The following MTUS2 variants were observed in gnomAD, a reference collection of about 807,000 sequenced individuals.
MTUS2 encodes the protein microtubule-associated tumor suppressor candidate 2.
MTUS2 carries 40 observed loss-of-function variants against 114.1 expected under a neutral mutation model. The observed-to-expected ratio is 0.35, with a 90% CI of 0.27 to 0.46. The LOEUF is 0.46. Ranked by LOEUF, MTUS2 falls within the 20% of genes least tolerant of loss-of-function variation. The probability of loss-of-function intolerance (pLI) is 1.00; values close to 1 mark genes in which losing one functional copy is unlikely to be tolerated. For synonymous variants in MTUS2, 688 were observed against 672.0 expected (o/e 1.02, Z -0.37); for missense variants, 1,679 against 1,705.4 (o/e 0.98, Z 0.27).
chr13:28,897,280 CA>C (rs1190314322), intron 2 of MTUS2, among the ~76,000 whole-genome samples: 4 of 151,980 alleles, frequency 2.6e-5, no homozygotes, highest in Admixed American at 6.6e-5. Context: ...TTTATGCAGC[CA>C]AAAAACACAT....
At chr13:29,352,997 A>T (rs961693572) in intron 7 of MTUS2, among the ~76,000 whole-genome samples, 2 of 152,206 alleles carry the variant, frequency 1.3e-5, no homozygotes, top group Admixed American at 6.5e-5. Context: ...CATTTACAAT[A>T]ACTGTTTAAC....
intron 2 of MTUS2, among the ~76,000 whole-genome samples, chr13:28,948,869 G>A (rs1015275174): frequency 6.6e-6 from 1 of 152,126 alleles, no homozygotes. Flanking sequence ...TCTCAAGTAC[G>A]GGTTGGTGGT....
At chr13:29,045,706 T>G (rs148477680) in intron 4 of MTUS2, among the ~76,000 whole-genome samples, 2,330 of 152,298 alleles carry the variant, frequency 0.015, 62 homozygotes, top group African/African-American at 0.051. Flanking sequence ...TGATGATGCT[T>G]CTTTTTTCAG....
chr13:28,905,403 G>C (rs1264721381), intron 2 of MTUS2, among the ~76,000 whole-genome samples: 1 of 148,100 alleles, frequency 6.8e-6, no homozygotes, highest in East Asian at 2.0e-4. Flanking sequence ...GTCATAGATA[G>C]CTCTTATTAT....
chr13:29,110,787 T>C (rs1445300098), intron 5 of MTUS2, among the ~76,000 whole-genome samples: 1 of 152,232 alleles, frequency 6.6e-6, no homozygotes, highest in Non-Finnish European at 1.5e-5. Context: ...TTAGAAATCA[T>C]ATTGTTTCTC....
chr13:29,024,464 G>A lies in MTUS2; in HGVS notation c.-235G>A, dbSNP rs76530616. On this transcript the variant is annotated 5_prime_UTR_variant, in exon 3 of 16. An upstream start codon of the reference 5' UTR is lost. Transcript: ENST00000612955. ...ATTTTTATTTCTCTCTAGGTCTCAT[G>A]GACTGATTGGCTCTCATTCAGCAGG... 9.3e-6 allele frequency: 5 copies of A among 538,818 alleles called. No homozygotes were observed. Among genetic ancestry groups the A allele is most frequent in the Non-Finnish European group, 1.6e-5 (5 of 308,658 alleles). The allele number at this position is 538,818 out of a possible 1,614,324, so 33.4% of individuals were successfully genotyped here.
intron 2 of MTUS2, among the ~76,000 whole-genome samples, chr13:28,899,209 A>G (rs1342916838): frequency 2.0e-5 from 3 of 152,234 alleles, no homozygotes; most frequent in South Asian, 2.1e-4. Context: ...AAATATCACA[A>G]TGTTAAATCA....
chr13:29,035,948 C>T (rs1360535566), intron 4 of MTUS2, among the ~76,000 whole-genome samples: 1 of 151,738 alleles, frequency 6.6e-6, no homozygotes, highest in African/African-American at 2.4e-5. Context: ...AGTTTGAGAC[C>T]AGCCTGGCAA....
intron 8 of MTUS2, among the ~76,000 whole-genome samples, chr13:29,432,781 C>A (rs550130585): frequency 6.6e-6 from 1 of 152,302 alleles, no homozygotes; most frequent in South Asian, 2.1e-4. Flanking sequence ...ATGGTCCTGT[C>A]CCTTTAGGGG....
chr13:29,127,135 C>T (rs932776142), intron 5 of MTUS2, among the ~76,000 whole-genome samples: 4 of 152,164 alleles, frequency 2.6e-5, no homozygotes, highest in African/African-American at 9.7e-5. Context: ...GTTCTTCAGC[C>T]TTAAAACCTT....
rs1883141988 is a variant in MTUS2 at position 29,505,030 on chromosome 13, C to T, written c.*1824C>T. The T allele has an allele frequency of 1.6e-4, 38 of 232,732 alleles. 1 individual carries two copies. In the East Asian group the frequency reaches 2.2e-3, roughly 14 times the overall value. The allele number at this position is 232,732 out of a possible 1,614,324, so 14.4% of individuals were successfully genotyped here. ...CCAGCCAACCTCCAAGGGTCTTGCT[C>T]CTTCTGGGGACGTACACAGTAAATC... is the stretch of plus-strand genomic sequence containing the variant. On this transcript the variant is annotated 3_prime_UTR_variant, in exon 16 of 16. Coordinates refer to ENST00000612955, the MANE Select transcript of MTUS2 (RefSeq NM_001033602.4).
chr13:29,330,866 C>T (rs754687418), intron 7 of MTUS2, among the ~76,000 whole-genome samples: 3 of 152,086 alleles, frequency 2.0e-5, no homozygotes, highest in Non-Finnish European at 2.9e-5. Flanking sequence ...AGTCAGGTAG[C>T]GTGATGCCTC....
intron 2 of MTUS2, among the ~76,000 whole-genome samples, chr13:28,987,756 CAT>C (rs145592389): frequency 0.049 from 7,475 of 152,306 alleles, 227 homozygotes; most frequent in South Asian, 0.071. Flanking sequence ...TTTAAAATAA[CAT>C]GTGTTTCCAT....
At chr13:29,364,061 G>A (rs1870499370) in intron 8 of MTUS2, among the ~76,000 whole-genome samples, 1 of 152,126 alleles carries the variant, frequency 6.6e-6, no homozygotes, top group South Asian at 2.1e-4. Context: ...ACTATATTAT[G>A]ATGCTACTTC....
chr13:28,918,415 T>C (rs549272622), intron 2 of MTUS2, among the ~76,000 whole-genome samples: 14 of 152,210 alleles, frequency 9.2e-5, no homozygotes, highest in Non-Finnish European at 1.2e-4. Flanking sequence ...CTTATCATTA[T>C]ATAATGACCT....
intron 5 of MTUS2, among the ~76,000 whole-genome samples, chr13:29,178,486 T>C (rs1430114823): frequency 6.6e-6 from 1 of 152,142 alleles, no homozygotes; most frequent in East Asian, 1.9e-4. Flanking sequence ...TACTGGAGTT[T>C]TGGGCAAGAT....
intron 5 of MTUS2, among the ~76,000 whole-genome samples, chr13:29,174,798 T>C (rs911149632): frequency 6.6e-6 from 1 of 152,156 alleles, no homozygotes; most frequent in African/African-American, 2.4e-5. Flanking sequence ...GGGCACATGG[T>C]GATTATTTAT....
At chr13:29,497,650 C>A in intron 13 of MTUS2, 1 of 344,088 alleles carries the variant, frequency 2.9e-6, no homozygotes, top group Non-Finnish European at 5.5e-6. Context: ...ACCACCCCTT[C>A]CAGCCCATTC....
At chr13:29,435,193 T>G (rs936123901) in intron 8 of MTUS2, among the ~76,000 whole-genome samples, 1 of 152,200 alleles carries the variant, frequency 6.6e-6, no homozygotes, top group Non-Finnish European at 1.5e-5. Context: ...CAGTTTCCAG[T>G]GAAGCCTGTC....
Sources: allele counts gnomAD v4.1 joint callset (sites outside exome capture counted in the v4.1 genomes callset), GRCh38; gene constraint gnomAD v4.1.1; transcripts MANE v1.5; gene names NCBI Gene and HGNC (gene_info 2026-07-23, HGNC 2026-07-21).